SYCE1L: variants seen among roughly 807,000 people sequenced by gnomAD.
SYCE1L encodes the protein synaptonemal complex central element protein 1 like, also known as synaptonemal complex central element protein 1-like.
In SYCE1L, 51 loss-of-function variants were observed where a neutral mutation model predicts 39.6. The ratio of observed to expected loss-of-function variants is 1.29; its 90% CI spans 1.03 to 1.63. SYCE1L has a LOEUF of 1.63. Among genes scored for constraint, SYCE1L ranks in the 40% most tolerant of loss-of-function variants. The probability of loss-of-function intolerance (pLI) is 0.00; values close to 1 mark genes in which losing one functional copy is unlikely to be tolerated. For missense variants in SYCE1L, 426 were observed against 304.9 expected, an observed-to-expected ratio of 1.40 and a Z score of -2.96; for synonymous variants, 147 against 122.4, an observed-to-expected ratio of 1.20 and a Z score of -1.33.
chr16:77,205,206 A>G (rs1453947232), intron 1 of SYCE1L, among the ~76,000 whole-genome samples: 1 of 151,764 alleles, frequency 6.6e-6, no homozygotes, highest in Non-Finnish European at 1.5e-5. Flanking sequence ...TTCACTGTAT[A>G]CTATTGTGGG....
chr16:77,201,136 G>C (rs1353692600), intron 1 of SYCE1L: 1 of 152,154 alleles, frequency 6.6e-6, no homozygotes, highest in African/African-American at 2.4e-5. Flanking sequence ...TGCCTGCTTG[G>C]TGTAAAGTAA....
chr16:77,200,698 G>C (rs1469806882), intron 1 of SYCE1L: 1 of 146,784 alleles, frequency 6.8e-6, no homozygotes, highest in African/African-American at 2.6e-5. Flanking sequence ...AGAGGTTATC[G>C]TGAGCTGACA....
rs772245220 is a variant in SYCE1L at position 77,199,496 on chromosome 16, T to G, written c.45T>G (p.Ala15=). 6 of 1,551,454 alleles carry G rather than the reference T, an allele frequency of 3.9e-6. No homozygotes were observed. Among genetic ancestry groups the G allele is most frequent in the Non-Finnish European group, 5.2e-6 (6 of 1,146,950 alleles). The part of the protein sequence containing the change: ...LKPLNVEAPE[A]TEEAEGQAKS... Reference sequence around the variant, plus strand: ...CTCTGAATGTGGAGGCGCCAGAAGCTACTGAGGAGGCTGAAGGTAGTGAGG... The same window carrying G: ...CTCTGAATGTGGAGGCGCCAGAAGCGACTGAGGAGGCTGAAGGTAGTGAGG... The change falls in exon 1 of 11, where the codon GCT becomes GCG. Residue 15 remains alanine, a synonymous_variant. Coordinates refer to ENST00000378644, the MANE Select transcript of SYCE1L (RefSeq NM_001129979.3).
Position 77,200,759 on chromosome 16 carries a change from AAAAAAAGAAAAAAC to A in SYCE1L, c.61+1253_61+1266del, listed in dbSNP as rs540991573. ...AGACAGAGTGAGCAAAAAAAAAAAA[AAAAAAAGAAAAAAC>A]AAAAAGAAAAAAATCTCCCAAGGCA... On this transcript the variant is annotated intron_variant, in intron 1 of 10. Transcript: ENST00000378644. The A allele has an allele frequency of 2.1e-4, 22 of 104,276 alleles. No individual in the cohort carries two copies. The East Asian group carries it at 6.9e-3, about 33-fold the overall frequency. The allele number at this position is 104,276 out of a possible 1,614,324, so 6.5% of individuals were successfully genotyped here.
intron 2 of SYCE1L, among the ~76,000 whole-genome samples, chr16:77,207,427 G>T (rs2054793176): frequency 6.6e-6 from 1 of 152,184 alleles, no homozygotes; most frequent in Non-Finnish European, 1.5e-5. Flanking sequence ...GCTATGAGAA[G>T]TTAGAGGTGA....
chr16:77,211,077 G>A lies in SYCE1L; in HGVS notation c.360-136G>A, dbSNP rs2054818934. On this transcript the variant is annotated intron_variant, in intron 6 of 10. Transcript: ENST00000378644. Reference sequence around the variant, plus strand: ...TGGAAGAGGTGCTACGGGAACCAAAGCTTAGAGGATAAAACCCATGAAGGG... The same window carrying A: ...TGGAAGAGGTGCTACGGGAACCAAAACTTAGAGGATAAAACCCATGAAGGG... The A allele has an allele frequency of 6.6e-6, 6 of 914,828 alleles. No individual in the cohort carries two copies. The Admixed American group carries it at 1.1e-4, about 17-fold the overall frequency. The allele number at this position is 914,828 out of a possible 1,614,324, so 56.7% of individuals were successfully genotyped here.
At chr16:77,210,654 T>G (rs985252654) in intron 6 of SYCE1L, among the ~76,000 whole-genome samples, 1 of 152,152 alleles carries the variant, frequency 6.6e-6, no homozygotes, top group East Asian at 1.9e-4. Context: ...CAGGATGTTA[T>G]AGAATCTGTG....
In SYCE1L at chr16:77,209,112, T is replaced by G; in HGVS notation, c.272T>G (p.Val91Gly). The change falls in exon 5 of 11, where the codon GTG (valine) becomes GGG (glycine). Residue 91 changes from valine (V) to glycine (G), a missense_variant. By Grantham distance (109) the Val-to-Gly change is moderately radical (BLOSUM62 -3). Transcript: ENST00000378644. ...TGTTTTCCAGTGAATGGAGAGAAAGTGCACCTAGAGGAGGTCTTGGGCAAA... is the reference window on the plus strand; with the variant it reads ...TGTTTTCCAGTGAATGGAGAGAAAGGGCACCTAGAGGAGGTCTTGGGCAAA... ...RELDSLNGEK[V>G]HLEEVLGKKQ... 6.4e-7 allele frequency: 1 copy of G among 1,551,718 alleles called. No individual in the cohort carries two copies. Among genetic ancestry groups the G allele is most frequent in the Non-Finnish European group, 8.7e-7 (1 of 1,146,992 alleles).
At chr16:77,204,559 G>T (rs56001088) in intron 1 of SYCE1L, among the ~76,000 whole-genome samples, 32,634 of 152,142 alleles carry the variant, frequency 0.21, 3,933 homozygotes, top group East Asian at 0.46. Flanking sequence ...ATTGTGGCAT[G>T]CCTTGTAACA....
At chr16:77,211,170 A>T in intron 6 of SYCE1L, 43 bp from the exon 7 acceptor site, 1 of 1,550,170 alleles carries the variant, frequency 6.5e-7, no homozygotes, top group Non-Finnish European at 8.7e-7. Flanking sequence ...ACAGGGTGTC[A>T]GGCCTAGCAT....
chr16:77,212,902 C>G lies in SYCE1L; in HGVS notation c.700C>G (p.Pro234Ala). ...CGCTCGCGACGAGGAGGATCCCGAG[C>G]CGCCGGTGGCTGCCCCTGACGCCCT... The part of the protein sequence containing the change: ...PRARDEEDPE[P>A]PVAAPDAL Residue 234 changes from proline (P) to alanine (A), a missense_variant, in exon 11 of 11, where the codon CCG (proline) becomes GCG (alanine). Physicochemically the swap from Pro to Ala is conservative, Grantham distance 27 (BLOSUM62 -1). Transcript: ENST00000378644. The G allele has an allele frequency of 6.5e-7, 1 of 1,529,206 alleles. No homozygotes were observed. Among genetic ancestry groups the G allele is most frequent in the African/African-American group, 1.4e-5 (1 of 72,406 alleles). 94.7% of individuals were successfully genotyped at this position (1,529,206 alleles called of 1,614,324 possible).
chr16:77,206,208 T>C (rs1340786930), intron 1 of SYCE1L, among the ~76,000 whole-genome samples: 1 of 152,100 alleles, frequency 6.6e-6, no homozygotes, highest in Admixed American at 6.5e-5. Context: ...TGTGGTGGTG[T>C]TTTTTAACCC....
chr16:77,206,723 C>A (rs969005277), intron 2 of SYCE1L, among the ~76,000 whole-genome samples: 9 of 152,196 alleles, frequency 5.9e-5, no homozygotes, highest in African/African-American at 1.9e-4. Flanking sequence ...CCTACTCCCT[C>A]CCCCCACACA....
At chr16:77,212,224 G>C in intron 8 of SYCE1L, 25 bp downstream of exon 8, 3 of 1,542,556 alleles carry the variant, frequency 1.9e-6, no homozygotes, top group Middle Eastern at 2.1e-4. Context: ...CCAGGTGGGC[G>C]GGGGGAGGGG....
intron 1 of SYCE1L, among the ~76,000 whole-genome samples, chr16:77,202,579 C>T (rs2054754077): frequency 1.3e-5 from 2 of 152,080 alleles, no homozygotes; most frequent in Admixed American, 1.3e-4. Context: ...TTGCAAATGC[C>T]AGCCATAAAA....
At chr16:77,207,238 G>A (rs74027181) in intron 2 of SYCE1L, among the ~76,000 whole-genome samples, 464 of 152,316 alleles carry the variant, frequency 3.0e-3, no homozygotes, top group African/African-American at 0.01. Context: ...CACAGAAGCT[G>A]GAGTTGGTGA....
rs1487191844 is a variant in SYCE1L, at chr16:77,206,481, G to A, written c.102G>A (p.Met34Ile). 2 of 1,551,576 alleles carry A rather than the reference G, an allele frequency of 1.3e-6. No homozygotes were observed. Among genetic ancestry groups the A allele is most frequent in the Non-Finnish European group, 1.7e-6 (2 of 1,147,002 alleles). The change falls in exon 2 of 11, where the codon ATG (methionine) becomes ATA (isoleucine). Residue 34 changes from methionine to isoleucine, a missense_variant. Met to Ile is a conservative substitution (Grantham distance 10). Transcript: ENST00000378644. ...KSLKTEDLLA[M>I]VIKLQKEGSL... ...TGAAGACTGAAGACTTGCTGGCAAT[G>A]GTGATAAAGCTGCAGAAAGGTCATG...
intron 6 of SYCE1L, among the ~76,000 whole-genome samples, 200 bp downstream of exon 6, chr16:77,209,671 T>A (rs551339826): frequency 1.7e-3 from 258 of 152,384 alleles, no homozygotes; most frequent in African/African-American, 5.8e-3. Flanking sequence ...TAATTATTCG[T>A]TACTAATTTC....
chr16:77,208,160 G>A (rs1255083518), intron 2 of SYCE1L, 50 bp from the exon 3 acceptor site: 1 of 1,527,600 alleles, frequency 6.5e-7, no homozygotes, highest in Admixed American at 2.0e-5. Context: ...GCCTTGGACA[G>A]CCAGACACCA....
Sources: allele counts gnomAD v4.1 joint callset (sites outside exome capture counted in the v4.1 genomes callset), GRCh38; gene constraint gnomAD v4.1.1; transcripts MANE v1.5; gene names NCBI Gene and HGNC (gene_info 2026-07-23, HGNC 2026-07-21).